Variants in ADGRG1 observed in about 807,000 individuals in gnomAD.
ADGRG1 encodes the protein 7-transmembrane protein with no EGF-like N-terminal domains-1.
Under a neutral mutation model 73.5 loss-of-function variants are expected in ADGRG1, and 53 were observed. The observed-to-expected ratio is 0.72, with a 90% CI of 0.58 to 0.91. The LOEUF is 0.91. ADGRG1 is among the 40% of genes least tolerant of loss of function. The probability of loss-of-function intolerance (pLI) is 0.00; values close to 1 mark genes in which losing one functional copy is unlikely to be tolerated. For synonymous variants in ADGRG1, 394 were observed against 374.4 expected, an observed-to-expected ratio of 1.05 and a Z score of -0.60; for missense variants, 795 against 871.8, an observed-to-expected ratio of 0.91 and a Z score of 1.11.
At chr16:57,629,841 C>T (rs1389013959) in intron 1 of ADGRG1, 1 of 178,854 alleles carries the variant, frequency 5.6e-6, no homozygotes, top group East Asian at 1.9e-4. Flanking sequence ...CCTGTCCTCC[C>T]CCGTCCCCAA....
intron 1 of ADGRG1, chr16:57,645,967 C>G (rs1194769176): frequency 6.6e-6 from 1 of 152,218 alleles, no homozygotes; most frequent in Non-Finnish European, 1.5e-5. Context: ...TAAGTGCTAT[C>G]CAAGGCAAAG....
chr16:57,628,882 GT>G, intron 1 of ADGRG1, 80 bp downstream of exon 1: 1 of 882,720 alleles, frequency 1.1e-6, no homozygotes, highest in Non-Finnish European at 1.3e-6. Context: ...GCGTGAGTGT[GT>G]GAGAGTGTGA....
chr16:57,663,033 A>G (rs1340765888), intron 13 of ADGRG1: 2 of 985,202 alleles, frequency 2.0e-6, no homozygotes, highest in African/African-American at 1.7e-5. Flanking sequence ...AGGCCCATAC[A>G]TTCACACAGA....
chr16:57,654,414 C>G (rs1457714217), intron 5 of ADGRG1, among the ~76,000 whole-genome samples: 16 of 135,318 alleles, frequency 1.2e-4, no homozygotes, highest in African/African-American at 3.0e-4. Context: ...CACGCACCCC[C>G]CCCCCCCGTT....
chr16:57,634,583 G>T, intron 1 of ADGRG1: 1 of 624,636 alleles, frequency 1.6e-6, no homozygotes, highest in Non-Finnish European at 2.0e-6. Flanking sequence ...AGCAGTCAGT[G>T]GTAGCAGAGC....
rs757749451 is a variant in ADGRG1, at chr16:57,663,500, G to A, written c.1982G>A (p.Gly661Asp). The change falls in exon 14 of 14, where the codon GGT becomes GAT. Residue 661 changes from glycine to aspartate, a missense_variant. By Grantham distance (94) the Gly-to-Asp change is moderately conservative. Coordinates refer to ENST00000562631, the MANE Select transcript of ADGRG1 (RefSeq NM_201525.4). The part of the protein sequence containing the change: ...WYWSMRLQAR[G>D]GPSPLKSNSD... Reference sequence around the variant, plus strand: ...TGGTCCATGCGGCTGCAGGCCCGGGGTGGCCCCTCCCCTCTGAAGAGCAAC... The same window carrying A: ...TGGTCCATGCGGCTGCAGGCCCGGGATGGCCCCTCCCCTCTGAAGAGCAAC... 6.8e-6 allele frequency: 11 copies of A among 1,613,982 alleles called. No homozygotes were observed. The East Asian group carries it at 2.0e-4, about 29-fold the overall frequency.
upstream of ADGRG1, among the ~76,000 whole-genome samples, chr16:57,620,434 A>T (rs1260695404): frequency 6.6e-6 from 1 of 152,164 alleles, no homozygotes; most frequent in Non-Finnish European, 1.5e-5. Flanking sequence ...ACACTGCAGG[A>T]CGCAGGGCAA....
rs1377694805 is a variant in ADGRG1 at position 57,628,771 on chromosome 16, G to C, written c.-67G>C. 1.0e-6 allele frequency: 1 copy of C among 985,478 alleles called. No individual in the cohort carries two copies. The highest frequency in any genetic ancestry group is 1.7e-5 in the African/African-American group (1 of 57,244). 61.0% of individuals were successfully genotyped at this position (985,478 alleles called of 1,614,324 possible). ...ATCCTGAAAGGTGGTCCAGCCGCCT[G>C]GCCCTGCGTGGGACCCTCCACCTGG... On this transcript the variant is annotated 5_prime_UTR_variant, in exon 1 of 14. Transcript: ENST00000562631.
chr16:57,621,831 T>C (rs2146958356), intron 2 of ADGRG1: 1 of 983,558 alleles, frequency 1.0e-6, no homozygotes, highest in African/African-American at 1.7e-5. Context: ...GAGCAGCAAG[T>C]AGGATGGTCT....
intron 13 of ADGRG1, chr16:57,663,148 G>T: frequency 1.1e-6 from 1 of 927,138 alleles, no homozygotes; most frequent in Non-Finnish European, 1.3e-6. Context: ...CACAGTTTGA[G>T]CCCTGGCTCA....
At chr16:57,622,677 A>T in intron 2 of ADGRG1, 1 of 707,286 alleles carries the variant, frequency 1.4e-6, no homozygotes, top group Non-Finnish European at 1.7e-6. Flanking sequence ...GGGTATGGCC[A>T]GAATGACCTG....
rs774134902 is a variant in ADGRG1, at chr16:57,660,819, A to G, written c.1607A>G (p.Tyr536Cys). 1.2e-6 allele frequency: 2 copies of G among 1,613,440 alleles called. No homozygotes were observed. Among genetic ancestry groups the G allele is most frequent in the Admixed American group, 1.7e-5 (1 of 60,012 alleles). The change falls in exon 12 of 14, where the codon TAT becomes TGT. Residue 536 changes from tyrosine to cysteine, a missense_variant. Coordinates refer to ENST00000562631, the MANE Select transcript of ADGRG1 (RefSeq NM_201525.4). Reference sequence around the variant, plus strand: ...GTGGCCCTGGTGGATGTGGACAACTATGGCCCCATCATCTTGGCTGTGCAT... The same window carrying G: ...GTGGCCCTGGTGGATGTGGACAACTGTGGCCCCATCATCTTGGCTGTGCAT... ...TLVALVDVDN[Y>C]GPIILAVHRT...
intron 5 of ADGRG1, 84 bp downstream of exon 5, chr16:57,654,217 T>C: frequency 1.4e-6 from 2 of 1,382,426 alleles, no homozygotes; most frequent in South Asian, 2.5e-5. Flanking sequence ...TCCCTGAAGC[T>C]CAGTGCCGTC....
chr16:57,659,272 A>C lies in ADGRG1; in HGVS notation c.1287-141A>C, dbSNP rs572924798. The C allele has an allele frequency of 7.7e-3, 11,758 of 1,526,734 alleles. 52 individuals are homozygous for C. Among genetic ancestry groups the C allele is most frequent in the Non-Finnish European group, 8.9e-3 (10,169 of 1,140,614 alleles). The allele number at this position is 1,526,734 out of a possible 1,614,324, so 94.6% of individuals were successfully genotyped here. ...TGGGGAACAGTTTGGCTGCAGCCAC[A>C]GGAATAGGATAGGGGCCATGTATGA... On this transcript the variant is annotated intron_variant, in intron 10 of 13. Coordinates refer to ENST00000562631, the MANE Select transcript of ADGRG1 (RefSeq NM_201525.4).
chr16:57,623,237 C>T (rs913216840), upstream of ADGRG1: 43 of 985,076 alleles, frequency 4.4e-5, no homozygotes, highest in Admixed American at 6.2e-5. Flanking sequence ...TAGAACCTTC[C>T]GGGGGTGGGG....
chr16:57,632,089 C>T (rs2038102669), intron 1 of ADGRG1: 5 of 985,302 alleles, frequency 5.1e-6, no homozygotes, highest in Non-Finnish European at 6.0e-6. Flanking sequence ...GCCTTGCACA[C>T]GACACCCACT....
upstream of ADGRG1, among the ~76,000 whole-genome samples, chr16:57,625,262 AGGGGGGACCTGT>A (rs1434647936): frequency 6.6e-6 from 1 of 152,154 alleles, no homozygotes; most frequent in Non-Finnish European, 1.5e-5. Flanking sequence ...CTTGGGAAGC[AGGGGGGACCTGT>A]GGCTTCCCCA....
intron 10 of ADGRG1, 51 bp downstream of exon 10, chr16:57,657,542 C>T (rs761188445): frequency 2.6e-5 from 35 of 1,335,472 alleles, no homozygotes; most frequent in Admixed American, 1.0e-4. Flanking sequence ...ATTGCACACA[C>T]CTCCACCAGG....
intron 1 of ADGRG1, among the ~76,000 whole-genome samples, chr16:57,638,927 G>A (rs113206305): frequency 1.3e-5 from 2 of 152,132 alleles, no homozygotes; most frequent in South Asian, 2.1e-4. Context: ...AAAATTAGCC[G>A]GGCATGGTGG....
Sources: allele counts gnomAD v4.1 joint callset (sites outside exome capture counted in the v4.1 genomes callset), GRCh38; gene constraint gnomAD v4.1.1; transcripts MANE v1.5; gene names NCBI Gene and HGNC (gene_info 2026-07-23, HGNC 2026-07-21).